Variants in MED27 observed in about 807,000 individuals in gnomAD.
MED27 encodes mediator complex subunit 27, also known as mediator of RNA polymerase II transcription subunit 27.
A neutral mutation model predicts 38.2 loss-of-function variants in MED27; 30 were observed. The observed-to-expected ratio is 0.79, with a 90% CI of 0.59 to 1.07. MED27 has a LOEUF of 1.07. Among genes scored for constraint, MED27 ranks in the 50% least tolerant of loss-of-function variants. MED27 has a pLI of 0.00. For missense variants in MED27, 289 were observed against 397.5 expected (o/e 0.73, Z 2.32); for synonymous variants, 122 against 153.5 (o/e 0.79, Z 1.52).
At chr9:131,984,724 G>T (rs910751786) in intron 3 of MED27, among the ~76,000 whole-genome samples, 2 of 152,140 alleles carry the variant, frequency 1.3e-5, no homozygotes, top group Admixed American at 6.5e-5. Flanking sequence ...CCATCTTGCT[G>T]GTCTGCTGTG....
intron 3 of MED27, among the ~76,000 whole-genome samples, chr9:131,940,691 C>T (rs529657426): frequency 6.6e-6 from 1 of 152,344 alleles, no homozygotes; most frequent in South Asian, 2.1e-4. Flanking sequence ...GCCGGGATTA[C>T]AGGCGTGAGC....
chr9:132,030,634 T>C (rs11243600), intron 2 of MED27, among the ~76,000 whole-genome samples: 3,052 of 152,320 alleles, frequency 0.02, 97 homozygotes, highest in African/African-American at 0.069. Flanking sequence ...AATCATGTGA[T>C]GAAAAGAAGA....
At chr9:131,887,026 ACTT>A (rs1839152464) in intron 5 of MED27, among the ~76,000 whole-genome samples, 2 of 152,190 alleles carry the variant, frequency 1.3e-5, no homozygotes, top group Non-Finnish European at 2.9e-5. Flanking sequence ...TTTCTTCTGA[ACTT>A]CTTCACTGTT....
intron 3 of MED27, among the ~76,000 whole-genome samples, chr9:131,948,122 A>C (rs1830917919): frequency 6.6e-6 from 1 of 152,196 alleles, no homozygotes; most frequent in African/African-American, 2.4e-5. Context: ...TCAGATTTAT[A>C]AAATATTTAT....
intron 6 of MED27, among the ~76,000 whole-genome samples, chr9:131,881,283 C>T (rs987808581): frequency 1.3e-5 from 2 of 152,088 alleles, no homozygotes; most frequent in African/African-American, 2.4e-5. Flanking sequence ...TTTTTGCATG[C>T]GAAACAAGTA....
At chr9:131,985,697 GT>G (rs75420101) in intron 3 of MED27, among the ~76,000 whole-genome samples, 1,388 of 136,362 alleles carry the variant, frequency 0.01, 8 homozygotes, top group African/African-American at 0.028. Context: ...AATTTTAATT[GT>G]TTTTTTTTTT....
At chr9:131,878,605 CCT>C (rs1308084220) in intron 6 of MED27, among the ~76,000 whole-genome samples, 1 of 152,158 alleles carries the variant, frequency 6.6e-6, no homozygotes, top group South Asian at 2.1e-4. Context: ...ACACACTCCA[CCT>C]CTCTCTCCAG....
rs545667939 is a variant in MED27, at chr9:131,927,209, C to G, written c.573+12172G>C. On this transcript the variant is annotated intron_variant, in intron 4 of 7. Transcript: ENST00000292035. ...TAATTTACACAATACCAAAACAGCC[C>G]CGAAACAGAGCAGACAGCACCACAA... Among the ~76,000 whole-genome samples the G allele has an allele frequency of 1.4e-3, 217 of 152,190 alleles. 2 individuals carry two copies. The highest frequency in any genetic ancestry group is 3.7e-3 in the South Asian group (18 of 4,818).
intron 4 of MED27, among the ~76,000 whole-genome samples, chr9:131,905,715 A>C (rs1301688775): frequency 4.6e-5 from 5 of 109,370 alleles, no homozygotes; most frequent in East Asian, 2.5e-4. Flanking sequence ...AAAAAAAAAA[A>C]AAAAAAAAAA....
At chr9:131,941,096 T>C (rs1830777455) in intron 3 of MED27, among the ~76,000 whole-genome samples, 1 of 152,230 alleles carries the variant, frequency 6.6e-6, no homozygotes. Flanking sequence ...GAGTAGGGTC[T>C]GGCTCAGGTC....
At chr9:131,921,661 C>A (rs534837115) in intron 4 of MED27, among the ~76,000 whole-genome samples, 1 of 152,302 alleles carries the variant, frequency 6.6e-6, no homozygotes, top group South Asian at 2.1e-4. Context: ...TTGACCCAGC[C>A]ATCCCATTAC....
rs772133184 is a variant in MED27, at chr9:131,947,284, G to A, written c.480-7810C>T. Among the ~76,000 whole-genome samples, 23 of 152,218 alleles carry A rather than the reference G, an allele frequency of 1.5e-4. No individual in the cohort carries two copies. The East Asian group carries it at 2.7e-3, about 18-fold the overall frequency. ...CAGAGAACTCCACAAAACAAACCTC[G>A]AAGAAAGCTGCAGAGCTCCTTTATA... On this transcript the variant is annotated intron_variant, in intron 3 of 7. Transcript: ENST00000292035.
intron 3 of MED27, among the ~76,000 whole-genome samples, chr9:131,966,606 C>T (rs1180489052): frequency 6.6e-6 from 1 of 152,004 alleles, no homozygotes; most frequent in Non-Finnish European, 1.5e-5. Flanking sequence ...CTTCTAGTAT[C>T]ACTTTTAATG....
At chr9:131,935,021 A>T (rs1830656671) in intron 4 of MED27, among the ~76,000 whole-genome samples, 2 of 152,290 alleles carry the variant, frequency 1.3e-5, no homozygotes, top group South Asian at 4.2e-4. Flanking sequence ...AAAGTAATTG[A>T]ACTCCTGTAG....
intron 2 of MED27, among the ~76,000 whole-genome samples, chr9:132,027,173 G>A (rs937389111): frequency 2.0e-5 from 3 of 152,308 alleles, no homozygotes; most frequent in East Asian, 1.9e-4. Flanking sequence ...GGGATCTAAC[G>A]ACTGCTCTTA....
intron 2 of MED27, among the ~76,000 whole-genome samples, chr9:132,059,699 C>T (rs1833658684): frequency 6.6e-6 from 1 of 152,222 alleles, no homozygotes; most frequent in Admixed American, 6.5e-5. Flanking sequence ...CTCGGGAAAG[C>T]AGCCATTAAT....
chr9:131,868,353 A>T (rs978754228), intron 6 of MED27, among the ~76,000 whole-genome samples: 2 of 152,236 alleles, frequency 1.3e-5, no homozygotes, highest in African/African-American at 4.8e-5. Flanking sequence ...ATCTTAGCTC[A>T]GTGCAGCCTT....
At chr9:132,004,646 C>T (rs1832317093) in intron 3 of MED27, among the ~76,000 whole-genome samples, 1 of 152,214 alleles carries the variant, frequency 6.6e-6, no homozygotes, top group South Asian at 2.1e-4. Context: ...GCCACTGCCA[C>T]TGGGGACAGA....
intron 4 of MED27, among the ~76,000 whole-genome samples, chr9:131,898,864 C>T (rs113973938): frequency 0.011 from 1,724 of 152,342 alleles, 31 homozygotes; most frequent in African/African-American, 0.039. Context: ...GGATTATAGG[C>T]ATGAGCCACT....
Sources: gnomAD v4.1 joint callset for allele counts (sites outside exome capture counted in the v4.1 genomes callset) on GRCh38, gnomAD v4.1.1 for gene constraint, MANE v1.5 for transcripts, NCBI Gene and HGNC (gene_info 2026-07-23, HGNC 2026-07-21) for gene names.